Variants in ASNS observed in about 807,000 individuals in gnomAD.
ASNS encodes asparagine synthetase [glutamine-hydrolyzing].
In ASNS, 37 loss-of-function variants were observed where a neutral mutation model predicts 62.6. The observed-to-expected ratio is 0.59, with a 90% confidence interval of 0.45 to 0.78. The LOEUF is 0.78. Among genes scored for constraint, ASNS ranks in the 30% least tolerant of loss-of-function variants. ASNS has a pLI of 0.00. For missense variants in ASNS, 520 were observed against 682.4 expected, an observed-to-expected ratio of 0.76 and a Z score of 2.65; for synonymous variants, 207 against 237.9, an observed-to-expected ratio of 0.87 and a Z score of 1.19.
the ASNS span, among the ~76,000 whole-genome samples, chr7:97,893,525 T>C: frequency 1.3e-5 from 2 of 152,258 alleles, no homozygotes; most frequent in Middle Eastern, 3.4e-3. Flanking sequence ...AGTGAAGGGA[T>C]GGAAAAAGAT....
the ASNS span, among the ~76,000 whole-genome samples, chr7:97,926,992 C>T: frequency 1.3e-5 from 2 of 150,896 alleles, no homozygotes; most frequent in Admixed American, 6.6e-5. Context: ...CACTGCAGCC[C>T]GACCTTCCAG....
At chr7:97,866,685 T>C (rs1256289071) in intron 3 of ASNS, among the ~76,000 whole-genome samples, 3 of 152,220 alleles carry the variant, frequency 2.0e-5, no homozygotes, top group Admixed American at 6.5e-5. Flanking sequence ...AGTAAACCTA[T>C]TATGTATGTG....
At chr7:97,885,087 T>G in the ASNS span, among the ~76,000 whole-genome samples, 1 of 152,256 alleles carries the variant, frequency 6.6e-6, no homozygotes, top group Non-Finnish European at 1.5e-5. Flanking sequence ...AGACAGGGTT[T>G]CTGTCTTCAT....
chr7:97,910,081 A>T, the ASNS span, among the ~76,000 whole-genome samples: 46,668 of 151,804 alleles, frequency 0.31, 8,541 homozygotes, highest in East Asian at 0.49. Context: ...AAAGAGCCCA[A>T]CTTGAAGTTT....
At chr7:97,852,514 A>C in intron 12 of ASNS, 46 bp from the exon 13 acceptor site, 1 of 1,558,736 alleles carries the variant, frequency 6.4e-7, no homozygotes, top group Non-Finnish European at 8.8e-7. Context: ...AAATGGCAGG[A>C]AATACTTGTG....
chr7:97,859,235 G>A lies in ASNS; in HGVS notation c.651C>T (p.Asp217=). ...CRDVPLHALY[D]NVEKLFPGFE... ...TACCTGGAAAGAGTTTCTCCACATTGTCATAGAGGGCGTGCAGGGGTACAT... is the reference window on the plus strand; with the variant it reads ...TACCTGGAAAGAGTTTCTCCACATTATCATAGAGGGCGTGCAGGGGTACAT... The change falls in exon 5 of 13, where the codon GAC becomes GAT. Residue 217 remains aspartate, a synonymous_variant. Coordinates refer to ENST00000394308, the MANE Select transcript of ASNS (RefSeq NM_001673.5). The A allele has an allele frequency of 6.2e-7, 1 of 1,613,162 alleles. No homozygotes were observed. Among genetic ancestry groups the A allele is most frequent in the Non-Finnish European group, 8.5e-7 (1 of 1,179,480 alleles).
chr7:97,896,176 A>T, the ASNS span, among the ~76,000 whole-genome samples: 1 of 152,122 alleles, frequency 6.6e-6, no homozygotes, highest in East Asian at 1.9e-4. Context: ...TATATTCTTC[A>T]CAGAAACAGG....
Position 97,859,292 on chromosome 7 carries a change from G to A in ASNS, c.594C>T (p.Ser198=), listed in dbSNP as rs527301530. ...LDLKPNGKVA[S]VEMVKYHHCR... ...AGTGATGATATTTAACCATTTCCAC[G>A]GATGCAACTTTGCCATTTGGCTTTA... The change falls in exon 5 of 13, where the codon TCC becomes TCT. Residue 198 remains serine, a synonymous_variant. Coordinates refer to ENST00000394308, the MANE Select transcript of ASNS (RefSeq NM_001673.5). 32 of 1,614,088 alleles carry A rather than the reference G, an allele frequency of 2.0e-5. No homozygotes were observed. In the East Asian group the frequency reaches 2.9e-4, roughly 15 times the overall value.
At chr7:97,877,714 G>A in the ASNS span, among the ~76,000 whole-genome samples, 2 of 152,284 alleles carry the variant, frequency 1.3e-5, no homozygotes, top group South Asian at 4.1e-4. Flanking sequence ...TGGAGGCTAA[G>A]GGTTGAATCT....
chr7:97,928,239 G>T, the ASNS span: 15 of 1,528,230 alleles, frequency 9.8e-6, no homozygotes, highest in African/African-American at 1.4e-5. Context: ...CTCCCTCCTG[G>T]GCCGGCCATC....
the ASNS span, among the ~76,000 whole-genome samples, chr7:97,908,016 T>C: frequency 1.3e-5 from 2 of 152,030 alleles, no homozygotes; most frequent in Non-Finnish European, 2.9e-5. Context: ...TGAATGACCA[T>C]GACAAAAGGC....
In ASNS at chr7:97,869,064, T is replaced by G; in HGVS notation, c.93A>C (p.Ala31=). ...ATCCATTGACATTCTCAAAACGGAA[T>G]GCATCTGGACCTCTGTGTGCAATCT... ...AMKIAHRGPD[A]FRFENVNGYT... The change falls in exon 3 of 13, where the codon GCA becomes GCC. Residue 31 remains alanine (A), a synonymous_variant. Transcript: ENST00000394308. 1 of 1,614,246 alleles carries G rather than the reference T, an allele frequency of 6.2e-7. No individual in the cohort carries two copies. The highest frequency in any genetic ancestry group is 8.5e-7 in the Non-Finnish European group (1 of 1,180,048).
the ASNS span, among the ~76,000 whole-genome samples, chr7:97,889,608 C>A: frequency 1.3e-5 from 2 of 151,910 alleles, no homozygotes; most frequent in Non-Finnish European, 2.9e-5. Flanking sequence ...CATATGCAGA[C>A]TATACCACTG....
intron 12 of ASNS, among the ~76,000 whole-genome samples, chr7:97,852,712 C>A (rs1351658980): frequency 6.6e-6 from 1 of 152,136 alleles, no homozygotes; most frequent in South Asian, 2.1e-4. Flanking sequence ...TTGTGCCTAA[C>A]AAGATCTGGC....
At chr7:97,911,490 A>C in the ASNS span, among the ~76,000 whole-genome samples, 2 of 147,590 alleles carry the variant, frequency 1.4e-5, no homozygotes, top group African/African-American at 5.0e-5. Context: ...AAAAATAAAC[A>C]AATTAGTCAG....
In ASNS at chr7:97,855,280, T is replaced by C. The variant is rs1331619206; in HGVS notation, c.1137+73A>G. 26 of 1,082,848 alleles carry C rather than the reference T, an allele frequency of 2.4e-5. No homozygotes were observed. In the South Asian group the frequency reaches 2.5e-4, roughly 10 times the overall value. 67.1% of individuals were successfully genotyped at this position (1,082,848 alleles called of 1,614,324 possible). A position where few individuals can be genotyped will look rare whatever the true frequency, so the allele number is the denominator to read the frequency against. On this transcript the variant is annotated intron_variant, in intron 9 of 12. Coordinates refer to ENST00000394308, the MANE Select transcript of ASNS (RefSeq NM_001673.5). Reference sequence around the variant, plus strand: ...AAAATATCACTGTCATACTGAAAGATGATAGAAAATAGTCAAACAATTCAT... The same window carrying C: ...AAAATATCACTGTCATACTGAAAGACGATAGAAAATAGTCAAACAATTCAT...
At chr7:97,912,541 G>C in the ASNS span, among the ~76,000 whole-genome samples, 1 of 145,510 alleles carries the variant, frequency 6.9e-6, no homozygotes, top group African/African-American at 2.5e-5. Flanking sequence ...CCCTAGGGGA[G>C]AGATGGAGGA....
At chr7:97,869,652 TA>T (rs1367571819) in intron 2 of ASNS, 125 bp downstream of exon 2, 1 of 157,978 alleles carries the variant, frequency 6.3e-6, no homozygotes, top group Non-Finnish European at 1.4e-5. Context: ...CCTTGACAGT[TA>T]AATGCCCTCT....
At chr7:97,887,071 C>T in the ASNS span, among the ~76,000 whole-genome samples, 1 of 152,122 alleles carries the variant, frequency 6.6e-6, no homozygotes, top group Admixed American at 6.5e-5. Context: ...AATTCTGACC[C>T]CCTGCAAAAT....
Sources: allele counts gnomAD v4.1 joint callset (sites outside exome capture counted in the v4.1 genomes callset), GRCh38; gene constraint gnomAD v4.1.1; transcripts MANE v1.5; gene names NCBI Gene and HGNC (gene_info 2026-07-23, HGNC 2026-07-21).